The following PCDH15 variants were observed in gnomAD, a reference collection of about 807,000 sequenced individuals.
The protein encoded by PCDH15 is protocadherin related 15, also known as protocadherin-15.
In PCDH15, 129 loss-of-function variants were observed where a neutral mutation model predicts 178.5. The observed-to-expected ratio is 0.72, with a 90% CI of 0.63 to 0.84. The LOEUF (loss-of-function observed/expected upper bound fraction) is 0.84, where lower values mean the gene tolerates loss of function less well. Ranked by LOEUF, PCDH15 falls within the 40% of genes least tolerant of loss-of-function variation. The probability of loss-of-function intolerance (pLI) is 0.00; values close to 1 mark genes in which losing one functional copy is unlikely to be tolerated. For missense variants in PCDH15, 2,230 were observed against 2,099.9 expected (o/e 1.06, Z -1.21); for synonymous variants, 800 against 732.0 (o/e 1.09, Z -1.50).
chr10:55,010,477 A>G (rs1398665017), intron 2 of PCDH15, among the ~76,000 whole-genome samples: 1 of 152,158 alleles, frequency 6.6e-6, no homozygotes, highest in Admixed American at 6.6e-5. Context: ...GACTTTGGGT[A>G]GGAGGCATAA....
chr10:55,179,059 T>C (rs1034951841), intron 1 of PCDH15, among the ~76,000 whole-genome samples: 5 of 152,170 alleles, frequency 3.3e-5, no homozygotes, highest in African/African-American at 1.2e-4. Context: ...TCATATATGG[T>C]TCATGCATAC....
intron 2 of PCDH15, among the ~76,000 whole-genome samples, chr10:54,595,992 T>C (rs11511013): frequency 0.14 from 22,015 of 151,992 alleles, 1,866 homozygotes; most frequent in Non-Finnish European, 0.18. Flanking sequence ...TTATGACTCA[T>C]TGGTGTCCCC....
chr10:54,174,037 G>A (rs894240822), intron 13 of PCDH15, among the ~76,000 whole-genome samples: 4 of 152,150 alleles, frequency 2.6e-5, no homozygotes, highest in Non-Finnish European at 5.9e-5. Flanking sequence ...CGCTAATCCA[G>A]TAATACAGGA....
chr10:54,735,707 T>C (rs1345914134), intron 1 of PCDH15, among the ~76,000 whole-genome samples: 1 of 115,820 alleles, frequency 8.6e-6, no homozygotes, highest in East Asian at 2.1e-4. Context: ...TGAGTTCATG[T>C]CCTTTGTAGG....
chr10:54,238,713 A>C (rs2054909134), intron 8 of PCDH15, among the ~76,000 whole-genome samples: 1 of 147,874 alleles, frequency 6.8e-6, no homozygotes, highest in African/African-American at 2.5e-5. Flanking sequence ...ACACACACAC[A>C]CTTTCCCAAT....
rs888623451 is a variant in PCDH15 at position 54,359,790 on chromosome 10, T to C, written c.474+9330A>G. 1.3e-5 allele frequency among the ~76,000 whole-genome samples: 2 copies of C among 151,656 alleles called. 1 individual carries two copies. ...TGCTAATTGATAAAATCATTAAAAA[T>C]GTTTTTAGTCATTCCTTTAAAATTT... On this transcript the variant is annotated intron_variant, in intron 5 of 37. Coordinates refer to ENST00000644397, the MANE Select transcript of PCDH15 (RefSeq NM_001384140.1).
At chr10:54,691,361 T>C (rs1458104395) in intron 1 of PCDH15, among the ~76,000 whole-genome samples, 3 of 151,986 alleles carry the variant, frequency 2.0e-5, no homozygotes, top group African/African-American at 7.2e-5. Flanking sequence ...ACCAAGAAAT[T>C]CTCCTGAAGC....
chr10:54,520,246 C>G (rs555449460), intron 3 of PCDH15, among the ~76,000 whole-genome samples: 1 of 152,158 alleles, frequency 6.6e-6, no homozygotes, highest in African/African-American at 2.4e-5. Flanking sequence ...TTCTGCAAAG[C>G]AAAAGAAACT....
At chr10:54,478,188 T>C (rs2078422068) in intron 3 of PCDH15, among the ~76,000 whole-genome samples, 1 of 152,078 alleles carries the variant, frequency 6.6e-6, no homozygotes, top group African/African-American at 2.4e-5. Context: ...ATATCCTGCT[T>C]CTTTGCTTAG....
intron 2 of PCDH15, among the ~76,000 whole-genome samples, chr10:55,029,604 G>A (rs1041079898): frequency 7.2e-5 from 11 of 152,020 alleles, no homozygotes; most frequent in African/African-American, 1.9e-4. Flanking sequence ...CAAAAAAATC[G>A]AAACAAAATA....
intron 2 of PCDH15, among the ~76,000 whole-genome samples, chr10:54,588,437 T>C (rs1427410224): frequency 6.6e-6 from 1 of 152,230 alleles, no homozygotes; most frequent in East Asian, 1.9e-4. Context: ...GATCCTACTT[T>C]AAGATATACA....
intron 15 of PCDH15, among the ~76,000 whole-genome samples, chr10:54,105,481 G>A (rs1295009949): frequency 1.3e-5 from 2 of 151,942 alleles, no homozygotes; most frequent in East Asian, 3.9e-4. Flanking sequence ...TCCCAAAGCT[G>A]AAGAACTTAG....
chr10:53,998,252 T>A (rs1469111380), intron 20 of PCDH15, among the ~76,000 whole-genome samples: 2 of 152,162 alleles, frequency 1.3e-5, no homozygotes, highest in East Asian at 3.9e-4. Flanking sequence ...AAATTTTTAT[T>A]GGTCTCAACA....
intron 7 of PCDH15, among the ~76,000 whole-genome samples, chr10:54,318,842 G>C (rs759765486): frequency 5.9e-5 from 9 of 152,124 alleles, no homozygotes; most frequent in Non-Finnish European, 8.8e-5. Flanking sequence ...TATCACTGTT[G>C]TTAACTTCAT....
intron 3 of PCDH15, among the ~76,000 whole-genome samples, chr10:54,416,377 T>G (rs7905137): frequency 0.79 from 120,608 of 151,832 alleles, 48,689 homozygotes; most frequent in East Asian, 0.97. Flanking sequence ...CATGCAGTGT[T>G]TGGTTTTCTG....
intron 2 of PCDH15, among the ~76,000 whole-genome samples, chr10:55,028,208 A>G (rs1840524147): frequency 6.6e-6 from 1 of 151,912 alleles, no homozygotes; most frequent in South Asian, 2.1e-4. Context: ...AAAAGAGGTT[A>G]AGTAAATTGC....
rs182576935 is a variant in PCDH15, at chr10:55,084,623, C to A, written c.-80+81953G>T. On this transcript the variant is annotated intron_variant, in intron 2 of 5. Coordinates refer to the PCDH15 transcript ENST00000458638. ...TCCTGTACAGCAAAGTAAACATAAG[C>A]AAAATGAAGAGACAACCCACAAAAT... Among the ~76,000 whole-genome samples, 495 of 151,808 alleles carry A rather than the reference C, an allele frequency of 3.3e-3. 2 individuals are homozygous for A. The highest frequency in any genetic ancestry group is 0.011 in the African/African-American group (440 of 41,456).
chr10:54,992,424 A>T (rs931660959), intron 2 of PCDH15, among the ~76,000 whole-genome samples: 4 of 152,164 alleles, frequency 2.6e-5, no homozygotes, highest in Non-Finnish European at 2.9e-5. Context: ...ACCCGCCCTC[A>T]GCAACATCCT....
intron 1 of PCDH15, among the ~76,000 whole-genome samples, chr10:54,680,162 G>C (rs1465204366): frequency 1.3e-5 from 2 of 152,166 alleles, no homozygotes; most frequent in Non-Finnish European, 2.9e-5. Flanking sequence ...CAGATGTACT[G>C]TGGTAAATGC....
Sources: gnomAD v4.1 joint callset for allele counts (sites outside exome capture counted in the v4.1 genomes callset) on GRCh38, gnomAD v4.1.1 for gene constraint, MANE v1.5 for transcripts, NCBI Gene and HGNC (gene_info 2026-07-23, HGNC 2026-07-21) for gene names.